IREB2: variants seen among roughly 807,000 people sequenced by gnomAD.
IREB2 encodes iron responsive element binding protein 2.
Under a neutral mutation model 118.8 loss-of-function variants are expected in IREB2, and 39 were observed. The observed-to-expected ratio is 0.33, with a 90% CI of 0.25 to 0.43. The LOEUF is 0.43. Ranked by LOEUF, IREB2 falls within the 20% of genes least tolerant of loss-of-function variation. IREB2 has a pLI of 1.00. For missense variants in IREB2, 900 were observed against 1,147.3 expected, an observed-to-expected ratio of 0.78 and a Z score of 3.11; for synonymous variants, 372 against 392.2, an observed-to-expected ratio of 0.95 and a Z score of 0.61.
rs538310519 is a variant in IREB2 at position 78,469,318 on chromosome 15, G to C, written c.630-1214G>C. On this transcript the variant is annotated intron_variant, in intron 5 of 21. Coordinates refer to ENST00000258886, the MANE Select transcript of IREB2 (RefSeq NM_004136.4). ...TATTGAAAGGTAAAATAATTGGAGT[G>C]GCTCAGAAAGCTGTTTTCCCTGAGG... 5.9e-5 allele frequency among the ~76,000 whole-genome samples: 9 copies of C among 152,178 alleles called. 1 individual carries two copies. The South Asian group carries it at 1.9e-3, about 32-fold the overall frequency.
intron 10 of IREB2, among the ~76,000 whole-genome samples, chr15:78,478,723 A>G (rs953763706): frequency 6.6e-6 from 1 of 152,132 alleles, no homozygotes; most frequent in African/African-American, 2.4e-5. Context: ...AAAAAATAAT[A>G]ATAATAAATT....
At chr15:78,473,164 C>T in intron 7 of IREB2, 78 bp from the exon 8 acceptor site, 1 of 1,364,474 alleles carries the variant, frequency 7.3e-7, no homozygotes, top group Non-Finnish European at 1.0e-6. Context: ...GCTCATGAAA[C>T]ACCTAGAGAT....
In IREB2 at chr15:78,448,581, G is replaced by A. The variant is rs887145655; in HGVS notation, c.106+8700G>A. On this transcript the variant is annotated intron_variant, in intron 2 of 21. Transcript: ENST00000258886. ...CCTATCCCGCCTGGTTCTGGTTAGAGACAGAAACACTTACTTGACTCTAGT... is the reference window on the plus strand; with the variant it reads ...CCTATCCCGCCTGGTTCTGGTTAGAAACAGAAACACTTACTTGACTCTAGT... Among the ~76,000 whole-genome samples, 4 of 152,236 alleles carry A rather than the reference G, an allele frequency of 2.6e-5. No homozygotes were observed. In the East Asian group the frequency reaches 7.7e-4, roughly 29 times the overall value.
chr15:78,476,737 T>C (rs1009830223), intron 9 of IREB2: 1 of 153,984 alleles, frequency 6.5e-6, no homozygotes. Flanking sequence ...ACAAAGGGGT[T>C]TGGGGACCAG....
chr15:78,447,103 C>T (rs2050942746), intron 2 of IREB2, among the ~76,000 whole-genome samples: 1 of 152,018 alleles, frequency 6.6e-6, no homozygotes, highest in Non-Finnish European at 1.5e-5. Flanking sequence ...CTTCAGTAGG[C>T]ATGCATAGAA....
chr15:78,496,183 ATC>A (rs1321263658), intron 20 of IREB2, among the ~76,000 whole-genome samples: 1 of 152,112 alleles, frequency 6.6e-6, no homozygotes, highest in Non-Finnish European at 1.5e-5. Flanking sequence ...TCACTTACCT[ATC>A]TCTGTTTTCT....
intron 10 of IREB2, chr15:78,481,729 G>C (rs1049911028): frequency 6.6e-6 from 1 of 151,260 alleles, no homozygotes; most frequent in Non-Finnish European, 1.5e-5. Context: ...TCAAACTCTT[G>C]ACCTCAAGTG....
intron 5 of IREB2, among the ~76,000 whole-genome samples, chr15:78,469,743 A>T (rs538347313): frequency 6.6e-6 from 1 of 152,200 alleles, no homozygotes; most frequent in African/African-American, 2.4e-5. Flanking sequence ...AAGGTTGACA[A>T]TTAAACAACT....
chr15:78,477,987 C>T (rs749969275), intron 9 of IREB2, among the ~76,000 whole-genome samples: 1 of 150,850 alleles, frequency 6.6e-6, no homozygotes, highest in Admixed American at 6.6e-5. Flanking sequence ...TTTGGGAGGC[C>T]AAGGCAGGAG....
chr15:78,471,808 A>G lies in IREB2; in HGVS notation c.767A>G (p.Asn256Ser). 6.2e-7 allele frequency: 1 copy of G among 1,613,516 alleles called. No homozygotes were observed. ...GGAACTGGAATGGCTCATCAAATAAACTTAGAATATTTGTCAAGAGTGGTT... is the reference window on the plus strand; with the variant it reads ...GGAACTGGAATGGCTCATCAAATAAGCTTAGAATATTTGTCAAGAGTGGTT... ...PPGTGMAHQI[N>S]LEYLSRVVFE... Residue 256 changes from asparagine to serine, a missense_variant, in exon 7 of 22, where the codon AAC (asparagine) becomes AGC (serine). Physicochemically the swap from Asn to Ser is conservative, Grantham distance 46. Transcript: ENST00000258886.
intron 20 of IREB2, among the ~76,000 whole-genome samples, chr15:78,495,170 A>G (rs1432765740): frequency 1.3e-5 from 2 of 152,208 alleles, no homozygotes; most frequent in Non-Finnish European, 2.9e-5. Context: ...AAACACAGAT[A>G]CCATGCAGGC....
At chr15:78,453,861 C>T (rs974357667) in intron 2 of IREB2, among the ~76,000 whole-genome samples, 2 of 152,080 alleles carry the variant, frequency 1.3e-5, no homozygotes, top group Non-Finnish European at 2.9e-5. Context: ...ATTAGGATTT[C>T]GAATAGTGAG....
intron 11 of IREB2, 116 bp from the exon 12 acceptor site, chr15:78,484,645 A>G: frequency 1.4e-6 from 1 of 707,750 alleles, no homozygotes; most frequent in South Asian, 2.2e-5. Flanking sequence ...TCACTCACAA[A>G]AAGGATTTTT....
At chr15:78,478,792 C>T (rs1416478075) in intron 10 of IREB2, among the ~76,000 whole-genome samples, 2 of 152,306 alleles carry the variant, frequency 1.3e-5, no homozygotes, top group South Asian at 2.1e-4. Flanking sequence ...AGCTGTATAA[C>T]CTTGGGCAAT....
chr15:78,440,657 A>T (rs891172806), intron 2 of IREB2, among the ~76,000 whole-genome samples: 1 of 152,166 alleles, frequency 6.6e-6, no homozygotes, highest in East Asian at 1.9e-4. Flanking sequence ...CTGAGCCACT[A>T]TGCCTGGCCT....
intron 2 of IREB2, among the ~76,000 whole-genome samples, chr15:78,448,890 T>C (rs2050976352): frequency 1.3e-5 from 2 of 152,240 alleles, no homozygotes; most frequent in African/African-American, 4.8e-5. Flanking sequence ...CATGTAGTTA[T>C]CTAAAGCCTG....
chr15:78,478,574 C>T (rs1478934073), intron 10 of IREB2, among the ~76,000 whole-genome samples, 177 bp downstream of exon 10: 4 of 152,114 alleles, frequency 2.6e-5, no homozygotes, highest in Non-Finnish European at 4.4e-5. Flanking sequence ...GCATGGCTTG[C>T]GCCTGTGGTC....
Position 78,490,343 on chromosome 15 carries a change from C to G in IREB2, c.2077-79C>G. 4 of 841,922 alleles carry G rather than the reference C, an allele frequency of 4.8e-6. No individual in the cohort carries two copies. In the East Asian group the frequency reaches 9.7e-5, roughly 20 times the overall value. 52.2% of individuals were successfully genotyped at this position (841,922 alleles called of 1,614,324 possible). The stretch of plus-strand genomic sequence containing the variant: ...TTGTGACCTAAGTACTATTTTATTC[C>G]CTTGATCATTTTCATGCGCCTCTTT... On this transcript the variant is annotated intron_variant, in intron 16 of 21. Coordinates refer to ENST00000258886, the MANE Select transcript of IREB2 (RefSeq NM_004136.4).
chr15:78,496,854 A>G (rs1261734525), intron 20 of IREB2, among the ~76,000 whole-genome samples: 1 of 152,176 alleles, frequency 6.6e-6, no homozygotes, highest in Non-Finnish European at 1.5e-5. Flanking sequence ...GAGCCGGCCC[A>G]TTTATAGAGC....
Sources: allele counts gnomAD v4.1 joint callset (sites outside exome capture counted in the v4.1 genomes callset), GRCh38; gene constraint gnomAD v4.1.1; transcripts MANE v1.5; gene names NCBI Gene and HGNC (gene_info 2026-07-23, HGNC 2026-07-21).